The following PIWIL2 variants were observed in gnomAD, a reference collection of about 807,000 sequenced individuals.
The protein encoded by PIWIL2 is piwi-like protein 2.
Under a neutral mutation model 116.5 loss-of-function variants are expected in PIWIL2, and 81 were observed. That is an observed-to-expected ratio of 0.70 (90% confidence interval 0.58 to 0.84). The LOEUF (loss-of-function observed/expected upper bound fraction) is 0.84. Ranked by LOEUF, PIWIL2 falls within the 40% of genes least tolerant of loss-of-function variation. The probability of loss-of-function intolerance (pLI) is 0.00; values close to 1 mark genes in which losing one functional copy is unlikely to be tolerated. For synonymous variants in PIWIL2, 489 were observed against 429.5 expected (o/e 1.14, Z -1.71); for missense variants, 1,272 against 1,212.3 (o/e 1.05, Z -0.73).
chr8:22,281,442 C>A lies in PIWIL2; in HGVS notation c.352C>A (p.Pro118Thr). 2 of 1,604,404 alleles carry A rather than the reference C, an allele frequency of 1.2e-6. No individual in the cohort carries two copies. The highest frequency in any genetic ancestry group is 1.7e-6 in the Non-Finnish European group (2 of 1,177,926). The change falls in exon 4 of 23, where the codon CCC becomes ACC. Residue 118 changes from proline to threonine, a missense_variant. By Grantham distance (38) the Pro-to-Thr change is conservative (BLOSUM62 -1). Transcript: ENST00000356766. ...ACGCAAGGACAGGGAGGAACTCTCTCCCACTTTTTGGGATCCAAAAGTGTT... is the reference window on the plus strand; with the variant it reads ...ACGCAAGGACAGGGAGGAACTCTCTACCACTTTTTGGGATCCAAAAGTGTT... ...LVRKDREELSPTFWDPKVLAA... is the reference protein window; with the variant it reads ...LVRKDREELSTTFWDPKVLAA...
chr8:22,290,585 G>A (rs1361077117), intron 10 of PIWIL2, among the ~76,000 whole-genome samples: 1 of 151,300 alleles, frequency 6.6e-6, no homozygotes, highest in African/African-American at 2.4e-5. Flanking sequence ...AGGACTACGG[G>A]TGTGCTACCA....
At chr8:22,297,666 CT>C (rs1296885249) in intron 10 of PIWIL2, among the ~76,000 whole-genome samples, 4 of 152,086 alleles carry the variant, frequency 2.6e-5, no homozygotes, top group African/African-American at 7.2e-5. Context: ...TTGGGCTCAA[CT>C]CAGAATACAA....
chr8:22,317,870 C>A (rs1032167031), intron 19 of PIWIL2, among the ~76,000 whole-genome samples: 1 of 151,992 alleles, frequency 6.6e-6, no homozygotes, highest in Non-Finnish European at 1.5e-5. Flanking sequence ...ACCGTGTTAG[C>A]CAGGATGGTC....
intron 20 of PIWIL2, among the ~76,000 whole-genome samples, chr8:22,332,474 A>G (rs1831884349): frequency 6.6e-6 from 1 of 152,148 alleles, no homozygotes; most frequent in Admixed American, 6.6e-5. Context: ...ACCCCAAACC[A>G]TAGATTCAGA....
chr8:22,340,999 C>T (rs1047501428), intron 20 of PIWIL2, among the ~76,000 whole-genome samples: 2 of 152,110 alleles, frequency 1.3e-5, no homozygotes, highest in African/African-American at 2.4e-5. Flanking sequence ...AGGCATGAAC[C>T]ACTGCACCCT....
At position 22,318,248 on chromosome 8, in the gene PIWIL2, C is replaced by T; in HGVS notation, c.2376C>T (p.Leu792=). 4 of 1,609,618 alleles carry T rather than the reference C, an allele frequency of 2.5e-6. No homozygotes were observed. Among genetic ancestry groups the T allele is most frequent in the Non-Finnish European group, 2.6e-6 (3 of 1,176,224 alleles). The change falls in exon 20 of 23, where the codon CTC becomes CTT. Residue 792 remains leucine, a synonymous_variant. Coordinates refer to ENST00000356766, the MANE Select transcript of PIWIL2 (RefSeq NM_018068.5). ...TTGTGGACAGCCTGAAGCTATGCCTCGTGGGCTCCTTAAAAAAGTTTTATG... is the reference window on the plus strand; with the variant it reads ...TTGTGGACAGCCTGAAGCTATGCCTTGTGGGCTCCTTAAAAAAGTTTTATG... ...QEIVDSLKLC[L]VGSLKKFYEV...
intron 15 of PIWIL2, among the ~76,000 whole-genome samples, chr8:22,310,627 TAA>T (rs1831304922): frequency 6.6e-6 from 1 of 152,064 alleles, no homozygotes; most frequent in South Asian, 2.1e-4. Context: ...AGTTTTTTTT[TAA>T]TTAAATAGAC....
rs117347159 is a variant in PIWIL2, at chr8:22,328,916, T to A, written c.2403+10641T>A. ...AGTCTTCTTTCTTTTCAGTTTGAATTCTTTTTATTTCCTTTTCTTTCTTAA... is the reference window on the plus strand; with the variant it reads ...AGTCTTCTTTCTTTTCAGTTTGAATACTTTTTATTTCCTTTTCTTTCTTAA... On this transcript the variant is annotated intron_variant, in intron 20 of 22. Coordinates refer to ENST00000356766, the MANE Select transcript of PIWIL2 (RefSeq NM_018068.5). Among the ~76,000 whole-genome samples, 456 of 150,892 alleles carry A rather than the reference T, an allele frequency of 3.0e-3. 1 individual carries two copies. Among genetic ancestry groups the A allele is most frequent in the Non-Finnish European group, 5.2e-3 (351 of 67,556 alleles).
Position 22,304,727 on chromosome 8 carries a change from G to A in PIWIL2, c.1371-57G>A. 10 of 953,632 alleles carry A rather than the reference G, an allele frequency of 1.0e-5. No homozygotes were observed. In the South Asian group the frequency reaches 1.3e-4, roughly 12 times the overall value. The allele number at this position is 953,632 out of a possible 1,614,324, so 59.1% of individuals were successfully genotyped here. The stretch of plus-strand genomic sequence containing the variant: ...CTGGTTAAGAGACTCAGACTATGGT[G>A]CTCTAAGAGTATTGATGCTGCTTCT... On this transcript the variant is annotated intron_variant, in intron 11 of 22. Transcript: ENST00000356766.
At chr8:22,339,970 C>A (rs1396227088) in intron 20 of PIWIL2, among the ~76,000 whole-genome samples, 1 of 151,662 alleles carries the variant, frequency 6.6e-6, no homozygotes, top group East Asian at 1.9e-4. Flanking sequence ...AACTACAGAC[C>A]GATGTTTGTC....
chr8:22,316,104 C>CTT, intron 18 of PIWIL2, 141 bp from the exon 19 acceptor site: 6 of 541,442 alleles, frequency 1.1e-5, no homozygotes, highest in Admixed American at 3.2e-5. Flanking sequence ...AGTTGATTGT[C>CTT]TTTTTTTTTT....
chr8:22,326,383 G>GT (rs996776760), intron 20 of PIWIL2, among the ~76,000 whole-genome samples: 1 of 152,090 alleles, frequency 6.6e-6, no homozygotes, highest in Non-Finnish European at 1.5e-5. Context: ...TTAGCTGGGC[G>GT]TGGTGGTACA....
chr8:22,286,970 A>C (rs1179616472), intron 6 of PIWIL2, among the ~76,000 whole-genome samples: 6 of 151,842 alleles, frequency 4.0e-5, no homozygotes, highest in Non-Finnish European at 8.8e-5. Context: ...TTATAGTCCC[A>C]GTTACTTGGG....
At chr8:22,349,154 C>T (rs1441683501) in intron 20 of PIWIL2, among the ~76,000 whole-genome samples, 3 of 149,840 alleles carry the variant, frequency 2.0e-5, no homozygotes, top group South Asian at 2.1e-4. Flanking sequence ...GTTCAATGCA[C>T]GCCACCAGGC....
At chr8:22,345,350 A>G (rs1020904387) in intron 20 of PIWIL2, among the ~76,000 whole-genome samples, 1 of 152,216 alleles carries the variant, frequency 6.6e-6, no homozygotes, top group Non-Finnish European at 1.5e-5. Flanking sequence ...CATTATTCAT[A>G]ATGGCCAGAA....
At chr8:22,294,899 GGAAAAAAAAAAAAAAAA>G (rs1830858461) in intron 10 of PIWIL2, among the ~76,000 whole-genome samples, 1 of 79,452 alleles carries the variant, frequency 1.3e-5, no homozygotes, top group African/African-American at 6.9e-5. Flanking sequence ...CATCTTTACT[GGAAAAAAAAAAAAAAAA>G]AAAAAAAAAA....
chr8:22,283,599 T>TG (rs1421917024), intron 5 of PIWIL2, among the ~76,000 whole-genome samples: 1 of 152,078 alleles, frequency 6.6e-6, no homozygotes, highest in Non-Finnish European at 1.5e-5. Flanking sequence ...TTAGTAGAGA[T>TG]GGGGTCTCAC....
rs1219336536 is a variant in PIWIL2 at position 22,331,838 on chromosome 8, C to G, written c.2403+13563C>G. Among the ~76,000 whole-genome samples the G allele has an allele frequency of 4.6e-5, 7 of 152,060 alleles. No individual in the cohort carries two copies. In the East Asian group the frequency reaches 1.3e-3, roughly 29 times the overall value. On this transcript the variant is annotated intron_variant, in intron 20 of 22. Transcript: ENST00000356766. The stretch of plus-strand genomic sequence containing the variant: ...AGTCATATTGGATTAGGGCCCACCC[C>G]CATGACCTCATTTAACCTTAAGTAC...
chr8:22,289,808 C>T (rs201370222), intron 8 of PIWIL2, 39 bp from the exon 9 acceptor site: 1 of 1,187,124 alleles, frequency 8.4e-7, no homozygotes, highest in Admixed American at 1.7e-5. Context: ...AATTTTATTA[C>T]TCTTCTATTA....
Sources: allele counts gnomAD v4.1 joint callset (sites outside exome capture counted in the v4.1 genomes callset), GRCh38; gene constraint gnomAD v4.1.1; transcripts MANE v1.5; gene names NCBI Gene and HGNC (gene_info 2026-07-23, HGNC 2026-07-21).